Variants in DMXL2 observed in about 807,000 individuals in gnomAD.
The protein encoded by DMXL2 is Dmx like 2, also known as dmX-like protein 2.
A neutral mutation model predicts 331.1 loss-of-function variants in DMXL2; 103 were observed. The ratio of observed to expected loss-of-function variants is 0.31; its 90% CI spans 0.27 to 0.37. The LOEUF (loss-of-function observed/expected upper bound fraction) is 0.37, where lower values mean the gene tolerates loss of function less well. Among genes scored for constraint, DMXL2 ranks in the 10% least tolerant of loss-of-function variants. The pLI, the probability that DMXL2 is intolerant of heterozygous loss-of-function variation, is 1.00. For missense variants in DMXL2, 3,171 were observed against 3,642.9 expected, an observed-to-expected ratio of 0.87 and a Z score of 3.33; for synonymous variants, 1,281 against 1,252.1, an observed-to-expected ratio of 1.02 and a Z score of -0.49.
At chr15:51,592,329 G>A (rs1412735739) in intron 1 of DMXL2, among the ~76,000 whole-genome samples, 1 of 152,128 alleles carries the variant, frequency 6.6e-6, no homozygotes, top group Non-Finnish European at 1.5e-5. Flanking sequence ...GATGGAAGAT[G>A]AAATGAATGA....
chr15:51,496,250 T>C (rs1365503019), intron 18 of DMXL2, among the ~76,000 whole-genome samples: 2 of 152,144 alleles, frequency 1.3e-5, no homozygotes, highest in Non-Finnish European at 1.5e-5. Context: ...CTCTTGGGGA[T>C]CATATTTTAG....
intron 23 of DMXL2, among the ~76,000 whole-genome samples, chr15:51,482,889 T>C (rs889529016): frequency 6.6e-6 from 1 of 152,174 alleles, no homozygotes; most frequent in Non-Finnish European, 1.5e-5. Flanking sequence ...AAGATTTGAC[T>C]GGAGTGTCAA....
intron 1 of DMXL2, among the ~76,000 whole-genome samples, chr15:51,601,708 T>C (rs991172706): frequency 1.3e-5 from 2 of 152,216 alleles, no homozygotes; most frequent in Non-Finnish European, 2.9e-5. Flanking sequence ...CTCTTCAATA[T>C]TGCCTTATCT....
intron 19 of DMXL2, among the ~76,000 whole-genome samples, chr15:51,494,779 C>T (rs978468900): frequency 7.2e-5 from 11 of 152,168 alleles, no homozygotes; most frequent in Non-Finnish European, 1.2e-4. Context: ...ACCACATTTA[C>T]CCCCTAAGCT....
intron 41 of DMXL2, 63 bp downstream of exon 41, chr15:51,453,486 TC>T: frequency 8.0e-7 from 1 of 1,244,410 alleles, no homozygotes; most frequent in African/African-American, 1.5e-5. Context: ...AGAAAAGTAT[TC>T]TTGCTAAAGG....
At chr15:51,551,606 C>A (rs772071249) in intron 6 of DMXL2, among the ~76,000 whole-genome samples, 43 of 149,770 alleles carry the variant, frequency 2.9e-4, no homozygotes, top group Non-Finnish European at 4.3e-4. Context: ...CATTCTCAGG[C>A]TTAAAAACAA....
rs991794740 is a variant in DMXL2, at chr15:51,480,221, A to G, written c.6565-82T>C. On this transcript the variant is annotated intron_variant, in intron 24 of 43. Transcript: ENST00000560891. ...TCTGACAGAAATACTGGTGATAAACATTGTGTAAAGGGAATATGTTCGCTC... is the reference window on the plus strand; with the variant it reads ...TCTGACAGAAATACTGGTGATAAACGTTGTGTAAAGGGAATATGTTCGCTC... 1.2e-5 allele frequency: 16 copies of G among 1,324,102 alleles called. No individual in the cohort carries two copies. The African/African-American group carries it at 2.1e-4, about 17-fold the overall frequency. 82.0% of individuals were successfully genotyped at this position (1,324,102 alleles called of 1,614,324 possible).
rs1318507310 is a variant in DMXL2, at chr15:51,612,155, A to G, written c.87+10304T>C. 2.0e-5 allele frequency among the ~76,000 whole-genome samples: 3 copies of G among 152,298 alleles called. No individual in the cohort carries two copies. In the East Asian group the frequency reaches 5.8e-4, roughly 29 times the overall value. On this transcript the variant is annotated intron_variant, in intron 1 of 43. Coordinates refer to ENST00000560891, the MANE Select transcript of DMXL2 (RefSeq NM_001378457.1). ...TCCAGACACAAAATGAAGATACTAG[A>G]CTAGATTTAATTTGTAAAGCAGACT...
chr15:51,544,302 T>C (rs1208223432), intron 8 of DMXL2, among the ~76,000 whole-genome samples: 1 of 152,152 alleles, frequency 6.6e-6, no homozygotes. Context: ...GATTTGGTCA[T>C]TTAAAAATGT....
At chr15:51,559,090 A>G (rs2049789844) in intron 6 of DMXL2, among the ~76,000 whole-genome samples, 1 of 152,232 alleles carries the variant, frequency 6.6e-6, no homozygotes, top group African/African-American at 2.4e-5. Context: ...GAAAACCCTC[A>G]GAATCTCACA....
At position 51,486,207 on chromosome 15, in the gene DMXL2, C is replaced by G. The variant is rs766285161; in HGVS notation, c.5348G>C (p.Gly1783Ala). ...NQKILGCQKD[G>A]SGFSCKRLHP... ...TAATCTTTTGCAACTGAATCCTGAGCCATCCTTTTGGCAACCCAAAATCTT... is the reference window on the plus strand; with the variant it reads ...TAATCTTTTGCAACTGAATCCTGAGGCATCCTTTTGGCAACCCAAAATCTT... Residue 1783 changes from glycine to alanine, a missense_variant, in exon 23 of 44, where the codon GGC (glycine) becomes GCC (alanine). Physicochemically the swap from Gly to Ala is moderately conservative, Grantham distance 60. Around this residue, in one of 7 missense-constraint regions of DMXL2, gnomAD observed 252 missense variants for 387.4 expected, o/e 0.65. Coordinates refer to ENST00000560891, the MANE Select transcript of DMXL2 (RefSeq NM_001378457.1). The G allele has an allele frequency of 1.2e-6, 2 of 1,614,004 alleles. No homozygotes were observed. Among genetic ancestry groups the G allele is most frequent in the Non-Finnish European group, 1.7e-6 (2 of 1,179,978 alleles).
chr15:51,514,450 G>A lies in DMXL2; in HGVS notation c.2636C>T (p.Pro879Leu), dbSNP rs1247474564. 3.2e-6 allele frequency: 5 copies of A among 1,540,662 alleles called. No homozygotes were observed. The highest frequency in any genetic ancestry group is 1.2e-5 in the South Asian group (1 of 85,072). ...CTATTTTTTTAAAGTACCTTGTGAT[G>A]GCTGAAAAAATATTTCTGTTTCCTT... Reference protein sequence around the residue: ...EKKETEIFFQPSQGYRPPPFS... With the variant: ...EKKETEIFFQLSQGYRPPPFS... Residue 879 changes from proline (P) to leucine (L), a missense_variant, in exon 15 of 44, where the codon CCA (proline) becomes CTA (leucine). Coordinates refer to ENST00000560891, the MANE Select transcript of DMXL2 (RefSeq NM_001378457.1).
chr15:51,535,737 T>C lies in DMXL2; in HGVS notation c.2362A>G (p.Lys788Glu). Residue 788 changes from lysine to glutamate, a missense_variant, in exon 13 of 44, where the codon AAA becomes GAA. By Grantham distance (56) the Lys-to-Glu change is moderately conservative. Coordinates refer to ENST00000560891, the MANE Select transcript of DMXL2 (RefSeq NM_001378457.1). ...ASACFVASDGKNLRLYQAVVD... is the reference protein window; with the variant it reads ...ASACFVASDGENLRLYQAVVD... ...ACAGCTTGATAGAGTCTCAGATTTT[T>C]GCCATCAGAAGCAACAAAGCAAGCA... 1 of 1,610,082 alleles carries C rather than the reference T, an allele frequency of 6.2e-7. No homozygotes were observed. The highest frequency in any genetic ancestry group is 8.5e-7 in the Non-Finnish European group (1 of 1,177,978).
Position 51,545,598 on chromosome 15 carries a change from T to A in DMXL2, c.915A>T (p.Ile305=), listed in dbSNP as rs369814389. ...LSHAGRHKDR[I]QHALETIHHL... ...AATATAATACCTCAAGAGCATGCTG[T>A]ATTCTGTCTTTGTGTCTTCCAGCAT... is the stretch of plus-strand genomic sequence containing the variant. The change falls in exon 8 of 44, where the codon ATA becomes ATT. Residue 305 remains isoleucine, a synonymous_variant. Coordinates refer to ENST00000560891, the MANE Select transcript of DMXL2 (RefSeq NM_001378457.1). The A allele has an allele frequency of 3.1e-6, 5 of 1,613,350 alleles. No individual in the cohort carries two copies. In the African/African-American group the frequency reaches 6.7e-5, roughly 22 times the overall value.
chr15:51,538,725 T>A (rs1038446490), intron 9 of DMXL2, among the ~76,000 whole-genome samples: 2 of 152,074 alleles, frequency 1.3e-5, no homozygotes, highest in African/African-American at 4.8e-5. Flanking sequence ...GATGAAAAAT[T>A]AAAGCAGAAA....
At chr15:51,604,362 CTA>C (rs907753557) in intron 1 of DMXL2, among the ~76,000 whole-genome samples, 21 of 146,688 alleles carry the variant, frequency 1.4e-4, no homozygotes, top group African/African-American at 5.0e-4. Flanking sequence ...TAATTTGCAG[CTA>C]GTGTGGATAT....
At chr15:51,579,907 C>A (rs1352595560) in intron 1 of DMXL2, among the ~76,000 whole-genome samples, 1 of 152,142 alleles carries the variant, frequency 6.6e-6, no homozygotes, top group Non-Finnish European at 1.5e-5. Flanking sequence ...TCTTCACAGG[C>A]CTGCTTTTGA....
In DMXL2 at chr15:51,542,510, A is replaced by G. The variant is rs1382750054; in HGVS notation, c.931-3T>C. ...AAATTTTTCAAATGGTGTATTGTCT[A>G]AAATAGAAAAATAGTTGCTGAGTCC... On this transcript the variant is annotated splice_polypyrimidine_tract_variant and splice_region_variant and intron_variant, in intron 8 of 43. Coordinates refer to ENST00000560891, the MANE Select transcript of DMXL2 (RefSeq NM_001378457.1). 6.2e-7 allele frequency: 1 copy of G among 1,602,304 alleles called. No homozygotes were observed. Among genetic ancestry groups the G allele is most frequent in the Admixed American group, 1.7e-5 (1 of 59,250 alleles).
chr15:51,449,076 G>A lies in DMXL2; in HGVS notation c.9085C>T (p.Arg3029Trp), dbSNP rs750095034. Residue 3029 changes from arginine to tryptophan, a missense_variant, in exon 44 of 44, where the codon CGG becomes TGG. Coordinates refer to ENST00000560891, the MANE Select transcript of DMXL2 (RefSeq NM_001378457.1). ...CCATCTGCACCACAGGAGAAGAGCC[G>A]ATTGCCCTGGATGATGTCAATCTGC... is the stretch of plus-strand genomic sequence containing the variant. ...VMQIDIIQGNRLFSCGADGTL... is the reference protein window; with the variant it reads ...VMQIDIIQGNWLFSCGADGTL... 1.2e-6 allele frequency: 2 copies of A among 1,614,082 alleles called. No homozygotes were observed. The highest frequency in any genetic ancestry group is 1.7e-6 in the Non-Finnish European group (2 of 1,180,052).
Sources: gnomAD v4.1 joint callset for allele counts (sites outside exome capture counted in the v4.1 genomes callset) on GRCh38, gnomAD v4.1.1 for gene constraint, gnomAD v4.1.1 regional missense constraint, MANE v1.5 for transcripts, NCBI Gene and HGNC (gene_info 2026-07-23, HGNC 2026-07-21) for gene names.